Variants in PLCH1 observed in about 807,000 individuals in gnomAD.
PLCH1 encodes the protein 1-phosphatidylinositol 4,5-bisphosphate phosphodiesterase eta-1.
PLCH1 carries 60 observed loss-of-function variants against 126.7 expected under a neutral mutation model. The observed-to-expected ratio is 0.47, with a 90% CI of 0.38 to 0.59. The LOEUF is 0.59. Ranked by LOEUF, PLCH1 falls within the 20% of genes least tolerant of loss-of-function variation. PLCH1 has a pLI of 0.00. For synonymous variants in PLCH1, 719 were observed against 734.9 expected (o/e 0.98, Z 0.35); for missense variants, 1,723 against 2,040.0 (o/e 0.84, Z 2.99).
chr3:155,543,945 T>C (rs1724798903), intron 10 of PLCH1, among the ~76,000 whole-genome samples: 1 of 151,982 alleles, frequency 6.6e-6, no homozygotes, highest in Admixed American at 6.6e-5. Context: ...TGCCAAATTG[T>C]AAAGACCATC....
At chr3:155,727,611 C>G (rs1316768823) in intron 1 of PLCH1, among the ~76,000 whole-genome samples, 1 of 152,254 alleles carries the variant, frequency 6.6e-6, no homozygotes, top group Middle Eastern at 3.4e-3. Context: ...TGGTCTCAAA[C>G]TCCTGACCTC....
At chr3:155,458,478 GAA>G (rs1164094111) in intron 21 of PLCH1, among the ~76,000 whole-genome samples, 2 of 98,886 alleles carry the variant, frequency 2.0e-5, no homozygotes. Flanking sequence ...AAGAAAGAAA[GAA>G]AGAAAGAAAG....
intron 10 of PLCH1, among the ~76,000 whole-genome samples, chr3:155,542,132 C>G (rs1257099326): frequency 6.6e-6 from 1 of 152,184 alleles, no homozygotes; most frequent in Non-Finnish European, 1.5e-5. Flanking sequence ...CTTTCCCAGT[C>G]AAAGAAAGGG....
chr3:155,743,130 A>T (rs1039307518), intron 1 of PLCH1: 13 of 324,696 alleles, frequency 4.0e-5, no homozygotes, highest in Non-Finnish European at 7.2e-5. Flanking sequence ...CTCCTTCTAC[A>T]TACCCCTTAA....
intron 1 of PLCH1, among the ~76,000 whole-genome samples, chr3:155,731,735 C>A (rs1378721653): frequency 6.6e-6 from 1 of 152,154 alleles, no homozygotes; most frequent in Admixed American, 6.5e-5. Context: ...GTAATCCTAG[C>A]ACTTTAGAAA....
intron 4 of PLCH1, among the ~76,000 whole-genome samples, chr3:155,586,514 C>A (rs1222930453): frequency 6.6e-6 from 1 of 152,064 alleles, no homozygotes; most frequent in Non-Finnish European, 1.5e-5. Context: ...TGAGACCAGC[C>A]TGGCCAACAT....
intron 1 of PLCH1, among the ~76,000 whole-genome samples, chr3:155,714,113 T>G (rs1399804638): frequency 1.3e-5 from 2 of 152,224 alleles, no homozygotes; most frequent in African/African-American, 4.8e-5. Flanking sequence ...AACTATATCC[T>G]GTACTTCGGC....
chr3:155,712,726 C>T (rs1167153368), intron 1 of PLCH1, among the ~76,000 whole-genome samples: 1 of 150,982 alleles, frequency 6.6e-6, no homozygotes, highest in African/African-American at 2.4e-5. Flanking sequence ...GGTGGGACAG[C>T]GATACTCTGT....
chr3:155,500,670 G>C (rs1254195225), intron 14 of PLCH1, 33 bp downstream of exon 14: 3 of 1,309,552 alleles, frequency 2.3e-6, no homozygotes, highest in East Asian at 2.3e-5. Flanking sequence ...GGCCTCAGGA[G>C]TGTGAGTAGG....
At chr3:155,583,913 T>TAA (rs1731034882) in intron 5 of PLCH1, among the ~76,000 whole-genome samples, 1 of 143,350 alleles carries the variant, frequency 7.0e-6, no homozygotes, top group African/African-American at 2.8e-5. Flanking sequence ...CAAAGAAACC[T>TAA]TAAAAAAAAA....
downstream of PLCH1, among the ~76,000 whole-genome samples, chr3:155,477,257 GA>G (rs1713584155): frequency 6.6e-6 from 1 of 152,028 alleles, no homozygotes; most frequent in South Asian, 2.1e-4. Context: ...AAATTAAAAT[GA>G]ATTAAAGACA....
chr3:155,703,947 G>A (rs989595652), intron 2 of PLCH1, among the ~76,000 whole-genome samples, 199 bp downstream of exon 2: 3 of 152,186 alleles, frequency 2.0e-5, no homozygotes, highest in Non-Finnish European at 4.4e-5. Context: ...TATTATAGTC[G>A]TTGAGGTGGG....
intron 3 of PLCH1, among the ~76,000 whole-genome samples, chr3:155,595,485 C>A (rs1732870346): frequency 6.6e-6 from 1 of 152,162 alleles, no homozygotes; most frequent in Non-Finnish European, 1.5e-5. Flanking sequence ...AAGGTTCTGC[C>A]ACCTTTGTAC....
intron 21 of PLCH1, among the ~76,000 whole-genome samples, chr3:155,474,245 C>T (rs1157803750): frequency 6.8e-6 from 1 of 146,028 alleles, no homozygotes; most frequent in Non-Finnish European, 1.5e-5. Flanking sequence ...AAACAAACAA[C>T]CCCATCAAAA....
chr3:155,693,754 AC>A (rs1434577539), intron 2 of PLCH1, among the ~76,000 whole-genome samples: 6 of 152,040 alleles, frequency 3.9e-5, no homozygotes, highest in Non-Finnish European at 7.4e-5. Flanking sequence ...ACATGGTGAA[AC>A]CCCGTCTCAA....
rs147309404 is a variant in PLCH1, at chr3:155,646,559, A to G, written c.80-50181T>C. Among the ~76,000 whole-genome samples the G allele has an allele frequency of 5.1e-3, 777 of 152,308 alleles. 7 individuals carry two copies. The highest frequency in any genetic ancestry group is 0.018 in the African/African-American group (738 of 41,558). ...AAAAGTATGTGAAATTACACATTCA[A>G]CTCCATAATGAGAGTTCCCTAAAGT... On this transcript the variant is annotated intron_variant, in intron 2 of 22. Coordinates refer to ENST00000460012, the MANE Select transcript of PLCH1 (RefSeq NM_014996.4).
At chr3:155,564,816 G>C (rs978836185) in intron 8 of PLCH1, 99 bp downstream of exon 8, 20 of 715,746 alleles carry the variant, frequency 2.8e-5, no homozygotes, top group Non-Finnish European at 4.8e-5. Flanking sequence ...ATTAGTGTGA[G>C]AGTGTGTTTT....
At position 155,482,104 on chromosome 3, in the gene PLCH1, G is replaced by T. The variant is rs755621135; in HGVS notation, c.3922C>A (p.Pro1308Thr). The change falls in exon 23 of 23, where the codon CCA becomes ACA. Residue 1308 changes from proline (P) to threonine (T), a missense_variant. Around this residue, in one of 2 missense-constraint regions of PLCH1, gnomAD observed 947 missense variants for 977.1 expected, o/e 0.97. Coordinates refer to ENST00000460012, the MANE Select transcript of PLCH1 (RefSeq NM_014996.4). ...GSPNTSRGWL[P>T]KSPTKGEDWE... ...TCTTCTCCCTTGGTAGGACTTTTTG[G>T]TAACCAGCCACGAGAAGTATTAGGG... The T allele has an allele frequency of 1.2e-6, 2 of 1,614,130 alleles. No individual in the cohort carries two copies. Among genetic ancestry groups the T allele is most frequent in the Non-Finnish European group, 1.7e-6 (2 of 1,180,026 alleles).
At chr3:155,654,014 G>T (rs962125609) in intron 2 of PLCH1, among the ~76,000 whole-genome samples, 1 of 149,174 alleles carries the variant, frequency 6.7e-6, no homozygotes, top group African/African-American at 2.5e-5. Flanking sequence ...TTCCAACCAG[G>T]CTTTTGTCTC....
Sources: gnomAD v4.1 joint callset for allele counts (sites outside exome capture counted in the v4.1 genomes callset) on GRCh38, gnomAD v4.1.1 for gene constraint, gnomAD v4.1.1 regional missense constraint, MANE v1.5 for transcripts, NCBI Gene and HGNC (gene_info 2026-07-23, HGNC 2026-07-21) for gene names.